The following GABRR3 variants were observed in gnomAD, a reference collection of about 807,000 sequenced individuals.
GABRR3 encodes the protein gamma-aminobutyric acid type A receptor subunit rho3, also known as gamma-aminobutyric acid receptor subunit rho-3.
A neutral mutation model predicts 43.2 loss-of-function variants in GABRR3; 29 were observed. That is an observed-to-expected ratio of 0.67 (90% confidence interval 0.50 to 0.92). The LOEUF (loss-of-function observed/expected upper bound fraction) is 0.92, where lower values mean the gene tolerates loss of function less well. Among genes scored for constraint, GABRR3 ranks in the 40% least tolerant of loss-of-function variants. GABRR3 has a pLI of 0.00. For missense variants in GABRR3, 576 were observed against 572.3 expected (o/e 1.01, Z -0.07); for synonymous variants, 206 against 195.9 (o/e 1.05, Z -0.43).
intron 2 of GABRR3, 99 bp downstream of exon 2, chr3:98,034,764 C>G: frequency 1.4e-6 from 2 of 1,384,878 alleles, no homozygotes; most frequent in Non-Finnish European, 2.0e-6. Context: ...CAAAGATGTG[C>G]TACCATTAAA....
chr3:98,002,279 A>G (rs1218670458), intron 7 of GABRR3, among the ~76,000 whole-genome samples: 5 of 152,174 alleles, frequency 3.3e-5, no homozygotes, highest in African/African-American at 9.7e-5. Context: ...TAGTTTTACA[A>G]TTTTAAAGTC....
intron 2 of GABRR3, among the ~76,000 whole-genome samples, chr3:98,029,722 A>AG (rs1707062019): frequency 1.3e-5 from 2 of 152,164 alleles, no homozygotes; most frequent in South Asian, 4.1e-4. Context: ...TATTTAATTG[A>AG]GGGGGTCAAG....
At chr3:97,987,460 T>C (rs763785547) in intron 9 of GABRR3, among the ~76,000 whole-genome samples, 1 of 152,268 alleles carries the variant, frequency 6.6e-6, no homozygotes, top group African/African-American at 2.4e-5. Context: ...CTCACTAGTT[T>C]AGAGCAGTGT....
intron 2 of GABRR3, among the ~76,000 whole-genome samples, chr3:98,032,787 A>G (rs1293953415): frequency 2.0e-5 from 3 of 152,208 alleles, no homozygotes; most frequent in Non-Finnish European, 2.9e-5. Flanking sequence ...AACAATGCAT[A>G]TATAAATCCC....
chr3:98,012,441 A>G, exon 5 of GABRR3: 1 of 1,614,000 alleles, frequency 6.2e-7, no homozygotes, highest in Non-Finnish European at 8.5e-7. Context: ...TGGACAAAAA[A>G]GATATCAGGC....
intron 2 of GABRR3, among the ~76,000 whole-genome samples, chr3:98,033,233 C>T (rs1040294351): frequency 1.3e-5 from 2 of 152,122 alleles, no homozygotes; most frequent in Admixed American, 1.3e-4. Context: ...TTTAATGAAT[C>T]CCATTCTGGC....
At chr3:98,023,074 C>T (rs1456108571) in intron 3 of GABRR3, among the ~76,000 whole-genome samples, 1 of 152,066 alleles carries the variant, frequency 6.6e-6, no homozygotes, top group African/African-American at 2.4e-5. Flanking sequence ...GGAATCACTG[C>T]AGAGTTTTAT....
At chr3:98,029,806 G>A (rs993213046) in intron 2 of GABRR3, among the ~76,000 whole-genome samples, 4 of 152,034 alleles carry the variant, frequency 2.6e-5, no homozygotes, top group South Asian at 2.1e-4. Context: ...AATAATGTTA[G>A]TGCCCCATGC....
chr3:97,991,425 C>T (rs1364519742), intron 9 of GABRR3, among the ~76,000 whole-genome samples: 2 of 152,242 alleles, frequency 1.3e-5, no homozygotes, highest in Non-Finnish European at 2.9e-5. Context: ...CTGCCGCATA[C>T]TGCTCTAACA....
intron 3 of GABRR3, among the ~76,000 whole-genome samples, chr3:98,019,425 C>T (rs1003991645): frequency 6.6e-6 from 1 of 152,118 alleles, no homozygotes; most frequent in East Asian, 1.9e-4. Flanking sequence ...AATCCATGCC[C>T]TCGGTATCAT....
In GABRR3 at chr3:97,993,949, A is replaced by G. The variant is rs756936541; in HGVS notation, c.908-901T>C. 3.9e-5 allele frequency among the ~76,000 whole-genome samples: 6 copies of G among 152,238 alleles called. No individual in the cohort carries two copies. The South Asian group carries it at 6.2e-4, about 16-fold the overall frequency. ...CCTTAATAAAATGCTGGCCATGAGG[A>G]GGGCCATTCAATGTCTACACTAATT... On this transcript the variant is annotated intron_variant, in intron 8 of 9. Coordinates refer to ENST00000621172, the Ensembl canonical transcript of GABRR3.
At chr3:98,005,735 T>G (rs781150031) in intron 7 of GABRR3, among the ~76,000 whole-genome samples, 10 of 152,158 alleles carry the variant, frequency 6.6e-5, no homozygotes, top group Non-Finnish European at 1.3e-4. Flanking sequence ...TAACTTCCTG[T>G]TAGGAGGACG....
chr3:98,034,290 T>C (rs1480760305), intron 2 of GABRR3, among the ~76,000 whole-genome samples: 1 of 152,130 alleles, frequency 6.6e-6, no homozygotes, highest in African/African-American at 2.4e-5. Context: ...CTCTCACAGA[T>C]AGCTATCTCC....
chr3:97,996,339 GA>G (rs1272770267), intron 8 of GABRR3, among the ~76,000 whole-genome samples: 14 of 152,152 alleles, frequency 9.2e-5, no homozygotes, highest in Non-Finnish European at 1.6e-4. Context: ...ACCAGAAACT[GA>G]CAACCATTTT....
exon 1 of GABRR3, chr3:98,035,234 T>C (rs966982869): frequency 1.2e-5 from 6 of 482,436 alleles, no homozygotes; most frequent in Non-Finnish European, 1.5e-5. Context: ...ATTTTTAAAA[T>C]TTTCAGTTTA....
At position 97,992,298 on chromosome 3, in the gene GABRR3, G is replaced by A. The variant is rs189982916; in HGVS notation, c.1104+554C>T. ...ATGGAGAGAAACATATCATTTATTG[G>A]TTGAGAGCACACACACAGCCTTTGA... On this transcript the variant is annotated intron_variant, in intron 9 of 9. Coordinates refer to ENST00000621172, the Ensembl canonical transcript of GABRR3. Among the ~76,000 whole-genome samples, 179 of 152,146 alleles carry A rather than the reference G, an allele frequency of 1.2e-3. 1 individual carries two copies. Among genetic ancestry groups the A allele is most frequent in the South Asian group, 2.1e-4 (1 of 4,816 alleles).
chr3:98,002,697 A>G (rs1706666487), intron 7 of GABRR3, among the ~76,000 whole-genome samples: 1 of 151,812 alleles, frequency 6.6e-6, no homozygotes, highest in South Asian at 2.1e-4. Flanking sequence ...ACATGGAAAT[A>G]CATCTTTTCT....
intron 7 of GABRR3, among the ~76,000 whole-genome samples, chr3:98,002,722 AT>A (rs34246628): frequency 0.19 from 29,504 of 151,972 alleles, 3,147 homozygotes; most frequent in Non-Finnish European, 0.26. Flanking sequence ...AAGTAGCAAG[AT>A]TTTTTTTCTA....
At chr3:98,017,162 T>C (rs1706881750) in intron 4 of GABRR3, among the ~76,000 whole-genome samples, 1 of 152,212 alleles carries the variant, frequency 6.6e-6, no homozygotes, top group African/African-American at 2.4e-5. Context: ...AAATTTTTAA[T>C]TAAATTTTTA....
Sources: allele counts gnomAD v4.1 joint callset (sites outside exome capture counted in the v4.1 genomes callset), GRCh38; gene constraint gnomAD v4.1.1; transcripts MANE v1.5; gene names NCBI Gene and HGNC (gene_info 2026-07-23, HGNC 2026-07-21).